Variants in PCDHA13 observed in about 807,000 individuals in gnomAD.
The protein encoded by PCDHA13 is protocadherin alpha-13.
A neutral mutation model predicts 64.8 loss-of-function variants in PCDHA13; 54 were observed. The ratio of observed to expected loss-of-function variants is 0.83; its 90% CI spans 0.67 to 1.04. The LOEUF (loss-of-function observed/expected upper bound fraction) is 1.04. PCDHA13 is among the 50% of genes least tolerant of loss of function. PCDHA13 has a pLI of 0.00. For missense variants in PCDHA13, 1,248 were observed against 1,254.3 expected, an observed-to-expected ratio of 0.99 and a Z score of 0.08; for synonymous variants, 587 against 564.4, an observed-to-expected ratio of 1.04 and a Z score of -0.57.
intron 1 of PCDHA13, chr5:140,967,421 C>T (rs2096138629): frequency 6.2e-7 from 1 of 1,613,120 alleles, no homozygotes; most frequent in Non-Finnish European, 8.5e-7. Context: ...AGACCGGGAG[C>T]AGGCAGCCTT....
At chr5:140,888,277 C>G (rs923275306) in intron 1 of PCDHA13, among the ~76,000 whole-genome samples, 1 of 151,972 alleles carries the variant, frequency 6.6e-6, no homozygotes, top group Non-Finnish European at 1.5e-5. Context: ...ACAGTTTTGT[C>G]CCCTCTACCC....
chr5:140,885,367 G>T (rs1476588272), intron 1 of PCDHA13, among the ~76,000 whole-genome samples: 2 of 152,244 alleles, frequency 1.3e-5, no homozygotes, highest in African/African-American at 4.8e-5. Flanking sequence ...GTGACTGAAA[G>T]TACCTTTTGG....
chr5:140,922,765 A>T (rs1346337086), intron 1 of PCDHA13, among the ~76,000 whole-genome samples: 1 of 152,258 alleles, frequency 6.6e-6, no homozygotes, highest in Non-Finnish European at 1.5e-5. Flanking sequence ...TAAAGAATTT[A>T]AAAGAACTGG....
chr5:140,930,466 T>C (rs2086864823), intron 1 of PCDHA13: 1 of 152,352 alleles, frequency 6.6e-6, no homozygotes. Context: ...CAAGTGATCC[T>C]CCCACCTAGG....
At chr5:140,890,829 T>A (rs1477608523) in intron 1 of PCDHA13, among the ~76,000 whole-genome samples, 1 of 152,226 alleles carries the variant, frequency 6.6e-6, no homozygotes, top group Non-Finnish European at 1.5e-5. Context: ...TGTACTTACA[T>A]ATTTACCAGT....
In PCDHA13 at chr5:140,884,106, T is replaced by C; in HGVS notation, c.1838T>C (p.Leu613Pro). 1 of 1,613,420 alleles carries C rather than the reference T, an allele frequency of 6.2e-7. No individual in the cohort carries two copies. The highest frequency in any genetic ancestry group is 8.5e-7 in the Non-Finnish European group (1 of 1,179,712). Residue 613 changes from leucine (L) to proline (P), a missense_variant, in exon 1 of 4, where the codon CTG becomes CCG. Physicochemically the swap from Leu to Pro is moderately conservative, Grantham distance 98 (BLOSUM62 -3). Transcript: ENST00000289272. ...GCGTGGCTTTCGTATGAATTGCAGC[T>C]GGCGGCGGTCGGCGCGCGCATCCCG... Reference protein sequence around the residue: ...YNAWLSYELQLAAVGARIPFR... With the variant: ...YNAWLSYELQPAAVGARIPFR...
chr5:140,919,660 T>C (rs561238136), intron 1 of PCDHA13, among the ~76,000 whole-genome samples: 1 of 152,360 alleles, frequency 6.6e-6, no homozygotes, highest in African/African-American at 2.4e-5. Flanking sequence ...TTACCATATA[T>C]ATTTTAGCTT....
intron 1 of PCDHA13, chr5:140,968,491 T>C: frequency 6.2e-7 from 1 of 1,614,130 alleles, no homozygotes; most frequent in Non-Finnish European, 8.5e-7. Flanking sequence ...TGAATGACCA[T>C]GCCCCTCACA....
At chr5:141,008,206 G>A (rs979113429) in intron 3 of PCDHA13, among the ~76,000 whole-genome samples, 1 of 152,184 alleles carries the variant, frequency 6.6e-6, no homozygotes, top group African/African-American at 2.4e-5. Flanking sequence ...TAATGAACTT[G>A]ACATGAGTTA....
intron 1 of PCDHA13, among the ~76,000 whole-genome samples, chr5:140,899,599 C>G (rs535938234): frequency 2.0e-5 from 3 of 152,232 alleles, no homozygotes; most frequent in South Asian, 4.2e-4. Context: ...TTATTGAGGA[C>G]TTTTGCATCA....
Position 141,009,922 on chromosome 5 carries a change from C to G in PCDHA13, c.2838C>G (p.Asp946Glu), listed in dbSNP as rs1554262572. 6.2e-7 allele frequency: 1 copy of G among 1,608,774 alleles called. No individual in the cohort carries two copies. Among genetic ancestry groups the G allele is most frequent in the South Asian group, 1.1e-5 (1 of 90,050 alleles). The change falls in exon 4 of 4, where the codon GAC becomes GAG. Residue 946 changes from aspartate to glutamate, a missense_variant. Coordinates refer to ENST00000289272, the MANE Select transcript of PCDHA13 (RefSeq NM_018904.3). ...AAGAGAAAGGGAACAGCACGACTGACAACAGTGACCAGTGAGGTCCTCAAA... is the reference window on the plus strand; with the variant it reads ...AAGAGAAAGGGAACAGCACGACTGAGAACAGTGACCAGTGAGGTCCTCAAA... ...EKKEKGNSTT[D>E]NSDQ
chr5:140,984,419 T>C (rs564096734), intron 3 of PCDHA13, among the ~76,000 whole-genome samples: 5 of 152,290 alleles, frequency 3.3e-5, no homozygotes, highest in African/African-American at 9.6e-5. Context: ...TTTACAGAGA[T>C]AGAGAAGGGG....
At chr5:140,893,083 T>C (rs2063812039) in intron 1 of PCDHA13, among the ~76,000 whole-genome samples, 1 of 152,266 alleles carries the variant, frequency 6.6e-6, no homozygotes, top group Non-Finnish European at 1.5e-5. Flanking sequence ...GATTTCATTC[T>C]TTTTTATGGC....
At chr5:140,987,749 GT>G (rs1554249497) in intron 3 of PCDHA13, among the ~76,000 whole-genome samples, 1 of 152,142 alleles carries the variant, frequency 6.6e-6, no homozygotes, top group African/African-American at 2.4e-5. Context: ...GACCCAGGTT[GT>G]TCTGAGTATT....
intron 1 of PCDHA13, among the ~76,000 whole-genome samples, chr5:140,943,453 G>T (rs545980639): frequency 3.3e-4 from 50 of 152,158 alleles, no homozygotes; most frequent in Admixed American, 2.6e-4. Context: ...GAATTGATAA[G>T]GCTAAATGTG....
At chr5:140,971,661 TAGAG>T (rs2096491377) in intron 1 of PCDHA13, among the ~76,000 whole-genome samples, 1 of 152,064 alleles carries the variant, frequency 6.6e-6, no homozygotes, top group Non-Finnish European at 1.5e-5. Context: ...AGATGGGAAT[TAGAG>T]AGGAAGAGTA....
intron 1 of PCDHA13, among the ~76,000 whole-genome samples, chr5:140,888,280 C>T (rs182771664): frequency 2.0e-5 from 3 of 152,210 alleles, no homozygotes; most frequent in African/African-American, 4.8e-5. Context: ...GTTTTGTCCC[C>T]TCTACCCCCT....
chr5:140,925,108 G>GGAAGGAAGGAAGGAA (rs1554202548), intron 1 of PCDHA13, among the ~76,000 whole-genome samples: 36 of 124,780 alleles, frequency 2.9e-4, no homozygotes, highest in African/African-American at 1.2e-3. Context: ...GAAGGAAGGA[G>GGAAGGAAGGAAGGAA]GGAAGGAAGG....
intron 1 of PCDHA13, among the ~76,000 whole-genome samples, chr5:140,936,322 A>C (rs1225268806): frequency 2.6e-5 from 4 of 152,196 alleles, no homozygotes; most frequent in Admixed American, 6.5e-5. Context: ...CTGACATGCT[A>C]TAAATTTTCT....
Sources: allele counts gnomAD v4.1 joint callset (sites outside exome capture counted in the v4.1 genomes callset), GRCh38; gene constraint gnomAD v4.1.1; transcripts MANE v1.5; gene names NCBI Gene and HGNC (gene_info 2026-07-23, HGNC 2026-07-21).